CDC123: variants seen among roughly 807,000 people sequenced by gnomAD.
The protein encoded by CDC123 is translation initiation factor eIF2 assembly protein.
CDC123 carries 37 observed loss-of-function variants against 54.4 expected under a neutral mutation model. That is an observed-to-expected ratio of 0.68 (90% CI 0.52 to 0.89). The LOEUF is 0.89. Among genes scored for constraint, CDC123 ranks in the 40% least tolerant of loss-of-function variants. The pLI is 0.00. For missense variants in CDC123, 361 were observed against 412.1 expected (o/e 0.88, Z 1.07); for synonymous variants, 144 against 136.8 (o/e 1.05, Z -0.37).
At chr10:12,199,256 G>A (rs758934190) in intron 2 of CDC123, among the ~76,000 whole-genome samples, 2 of 152,168 alleles carry the variant, frequency 1.3e-5, no homozygotes, top group African/African-American at 4.8e-5. Context: ...AAGTTACTGT[G>A]TTTCAGTCTT....
intron 6 of CDC123, among the ~76,000 whole-genome samples, chr10:12,225,906 C>G (rs150239831): frequency 0.024 from 3,604 of 151,860 alleles, 140 homozygotes; most frequent in African/African-American, 0.083. Context: ...GAGGACCCTG[C>G]GGCCTTCTGC....
At chr10:12,212,040 A>G (rs1461495036) in intron 4 of CDC123, among the ~76,000 whole-genome samples, 2 of 152,162 alleles carry the variant, frequency 1.3e-5, no homozygotes, top group Admixed American at 6.5e-5. Context: ...GTGAACCAAG[A>G]TTGCGCCACT....
intron 4 of CDC123, among the ~76,000 whole-genome samples, chr10:12,213,310 G>C (rs1365719040): frequency 1.3e-5 from 2 of 152,158 alleles, no homozygotes; most frequent in Non-Finnish European, 2.9e-5. Flanking sequence ...CTCCTGATAC[G>C]ATGCATGGGA....
chr10:12,217,730 T>G (rs1237754737), intron 6 of CDC123, among the ~76,000 whole-genome samples: 1 of 152,204 alleles, frequency 6.6e-6, no homozygotes, highest in African/African-American at 2.4e-5. Flanking sequence ...ATTATAAAAC[T>G]GATAAATATT....
At chr10:12,248,054 T>C (rs1430435795) in intron 11 of CDC123, among the ~76,000 whole-genome samples, 1 of 152,030 alleles carries the variant, frequency 6.6e-6, no homozygotes, top group Non-Finnish European at 1.5e-5. Context: ...AAATCACTTA[T>C]GATTTGAGAA....
intron 11 of CDC123, 138 bp from the exon 12 acceptor site, chr10:12,249,443 T>TAA: frequency 1.1e-6 from 1 of 894,330 alleles, no homozygotes; most frequent in Non-Finnish European, 1.7e-6. Flanking sequence ...CATTTTAACT[T>TAA]AAGCATCTTC....
At chr10:12,240,627 A>T (rs1267076248) in intron 10 of CDC123, among the ~76,000 whole-genome samples, 1 of 152,158 alleles carries the variant, frequency 6.6e-6, no homozygotes. Context: ...TATTTTCAGC[A>T]TTTTGGGAGG....
chr10:12,210,753 T>G (rs1835586724), intron 4 of CDC123, among the ~76,000 whole-genome samples: 1 of 152,178 alleles, frequency 6.6e-6, no homozygotes, highest in South Asian at 2.1e-4. Context: ...CAGGCAGGAG[T>G]GCAGTGGTGT....
At chr10:12,224,622 A>G (rs997742079) in intron 6 of CDC123, among the ~76,000 whole-genome samples, 4 of 152,234 alleles carry the variant, frequency 2.6e-5, no homozygotes, top group African/African-American at 9.6e-5. Context: ...TGAATTCAAC[A>G]TAAGAGCCTC....
intron 10 of CDC123, among the ~76,000 whole-genome samples, chr10:12,240,661 C>G (rs574687458): frequency 6.6e-6 from 1 of 152,202 alleles, no homozygotes; most frequent in African/African-American, 2.4e-5. Context: ...ATGGCTTGAG[C>G]CCAGGAGTTT....
rs1454769940 is a variant in CDC123 at position 12,198,272 on chromosome 10, G to A, written c.75-433G>A. On this transcript the variant is annotated intron_variant, in intron 1 of 12. Transcript: ENST00000281141. ...AGGTGCTCACTGCCAACCCAAGAAT[G>A]GTTTCCAGATCTTGACTCTACTTCT... Among the ~76,000 whole-genome samples the A allele has an allele frequency of 2.6e-5, 4 of 152,298 alleles. No homozygotes were observed. The East Asian group carries it at 5.8e-4, about 22-fold the overall frequency.
At chr10:12,228,171 G>A (rs1328544121) in intron 6 of CDC123, among the ~76,000 whole-genome samples, 3 of 152,076 alleles carry the variant, frequency 2.0e-5, no homozygotes, top group East Asian at 1.9e-4. Flanking sequence ...CTGGCTTTAG[G>A]CAGTCTTCCC....
At chr10:12,198,821 AAC>A (rs772164526) in intron 2 of CDC123, 45 bp downstream of exon 2, 1 of 1,028,964 alleles carries the variant, frequency 9.7e-7, no homozygotes, top group South Asian at 1.4e-5. Context: ...ATCATAAAGA[AAC>A]ACATAAAATG....
chr10:12,208,830 C>A (rs902170801), intron 2 of CDC123, among the ~76,000 whole-genome samples: 1 of 152,224 alleles, frequency 6.6e-6, no homozygotes, highest in Non-Finnish European at 1.5e-5. Context: ...GACTGCACAC[C>A]TCGCTTTGCT....
At chr10:12,215,648 C>T (rs1835652424) in intron 4 of CDC123, 92 bp from the exon 5 acceptor site, 1 of 590,086 alleles carries the variant, frequency 1.7e-6, no homozygotes, top group Non-Finnish European at 2.8e-6. Flanking sequence ...CTGTTTTTAA[C>T]ACCCTAAACT....
rs12258739 is a variant in CDC123, at chr10:12,249,510, C to G, written c.847-71C>G. 3,301 of 1,462,902 alleles carry G rather than the reference C, an allele frequency of 2.3e-3. 52 individuals are homozygous for G. The African/African-American group carries it at 0.037, about 16-fold the overall frequency. The allele number at this position is 1,462,902 out of a possible 1,614,324, so 90.6% of individuals were successfully genotyped here. On this transcript the variant is annotated intron_variant, in intron 11 of 12. Coordinates refer to ENST00000281141, the MANE Select transcript of CDC123 (RefSeq NM_006023.3). ...GGAGTTGAAATTGTTTTGCTAGGTTCTTTTTTAGTTCACAGAATAGGCCTA... is the reference window on the plus strand; with the variant it reads ...GGAGTTGAAATTGTTTTGCTAGGTTGTTTTTTAGTTCACAGAATAGGCCTA...
At chr10:12,202,124 A>G (rs1453149291) in intron 2 of CDC123, among the ~76,000 whole-genome samples, 1 of 152,158 alleles carries the variant, frequency 6.6e-6, no homozygotes, top group Non-Finnish European at 1.5e-5. Context: ...TTTAAGTATA[A>G]TTTAAATGAG....
chr10:12,237,223 C>G lies in CDC123; in HGVS notation c.645C>G (p.Asp215Glu). ...AAGAAATTCGCAGATGCATACAAGACTTTTTCAAGAAACACATACAGTACA... is the reference window on the plus strand; with the variant it reads ...AAGAAATTCGCAGATGCATACAAGAGTTTTTCAAGAAACACATACAGTACA... ...QKEEIRRCIQ[D>E]FFKKHIQYKF... The change falls in exon 9 of 13, where the codon GAC (aspartate) becomes GAG (glutamate). Residue 215 changes from aspartate to glutamate, a missense_variant. Transcript: ENST00000281141. The G allele has an allele frequency of 6.3e-7, 1 of 1,589,316 alleles. No individual in the cohort carries two copies. Among genetic ancestry groups the G allele is most frequent in the Non-Finnish European group, 8.5e-7 (1 of 1,171,430 alleles).
At chr10:12,237,440 T>C (rs1357155096) in intron 9 of CDC123, 174 bp downstream of exon 9, 1 of 459,244 alleles carries the variant, frequency 2.2e-6, no homozygotes, top group South Asian at 8.6e-5. Context: ...TTTTTATTAT[T>C]ATTATTTTTA....
Sources: gnomAD v4.1 joint callset for allele counts (sites outside exome capture counted in the v4.1 genomes callset) on GRCh38, gnomAD v4.1.1 for gene constraint, MANE v1.5 for transcripts, NCBI Gene and HGNC (gene_info 2026-07-23, HGNC 2026-07-21) for gene names.